ESR1: variants seen among roughly 807,000 people sequenced by gnomAD.
The protein encoded by ESR1 is estrogen receptor 1.
Under a neutral mutation model 52.7 loss-of-function variants are expected in ESR1, and 12 were observed. The observed-to-expected ratio is 0.23, with a 90% CI of 0.15 to 0.37. The LOEUF is 0.37. ESR1 is among the 10% of genes least tolerant of loss of function. The pLI, the probability that ESR1 is intolerant of heterozygous loss-of-function variation, is 1.00. For synonymous variants in ESR1, 305 were observed against 316.8 expected (o/e 0.96, Z 0.39); for missense variants, 584 against 779.7 (o/e 0.75, Z 2.99).
intron 2 of ESR1, among the ~76,000 whole-genome samples, chr6:151,718,560 T>C (rs190210686): frequency 5.3e-5 from 8 of 152,368 alleles, no homozygotes; most frequent in Admixed American, 2.0e-4. Context: ...AAATCACATC[T>C]GTCCTTGACA....
At chr6:151,710,547 A>G (rs1780521413) in intron 2 of ESR1, among the ~76,000 whole-genome samples, 1 of 152,128 alleles carries the variant, frequency 6.6e-6, no homozygotes. Context: ...TATAAAGAAA[A>G]GGTCAATAAA....
chr6:152,054,175 C>T (rs1374007343), intron 5 of ESR1, among the ~76,000 whole-genome samples: 1 of 152,000 alleles, frequency 6.6e-6, no homozygotes, highest in East Asian at 1.9e-4. Flanking sequence ...GACTTAGTCT[C>T]GTGAAATTTT....
chr6:151,914,256 TA>T (rs34984292), intron 3 of ESR1, among the ~76,000 whole-genome samples: 77,329 of 148,364 alleles, frequency 0.52, 21,875 homozygotes, highest in Middle Eastern at 0.73. Context: ...ACTTTTTCAT[TA>T]AAAAAAAAAA....
intron 1 of ESR1, among the ~76,000 whole-genome samples, chr6:151,819,610 C>G (rs1780232497): frequency 6.6e-6 from 1 of 152,130 alleles, no homozygotes; most frequent in Admixed American, 6.5e-5. Context: ...GTCCCATCAC[C>G]CCCAGATGGG....
At chr6:151,875,206 C>T (rs1008906463) in intron 2 of ESR1, among the ~76,000 whole-genome samples, 2 of 152,170 alleles carry the variant, frequency 1.3e-5, no homozygotes, top group African/African-American at 4.8e-5. Flanking sequence ...GCTTTATGTT[C>T]ATGTCTGGCC....
At chr6:151,953,683 T>C (rs2036578706) in intron 4 of ESR1, among the ~76,000 whole-genome samples, 1 of 151,240 alleles carries the variant, frequency 6.6e-6, no homozygotes, top group South Asian at 2.1e-4. Context: ...ATTGCGCCAC[T>C]GCACTCCAGC....
rs2152507077 is a variant in ESR1 at position 152,098,892 on chromosome 6, G to A, written c.1714G>A (p.Gly572Ser). The A allele has an allele frequency of 6.2e-7, 1 of 1,614,202 alleles. No individual in the cohort carries two copies. The highest frequency in any genetic ancestry group is 8.5e-7 in the Non-Finnish European group (1 of 1,180,046). Residue 572 changes from glycine to serine, a missense_variant, in exon 8 of 8, where the codon GGC (glycine) becomes AGC (serine). Around this residue, in one of 6 missense-constraint regions of ESR1, gnomAD observed 71 missense variants for 66.1 expected, o/e 1.07. Coordinates refer to ENST00000206249, the MANE Select transcript of ESR1 (RefSeq NM_000125.4). This position sits in a 1 kb window ranked among gnomAD's most constrained non-coding sequence, Gnocchi z 5.1. ...GGACCAAAGCCACTTGGCCACTGCG[G>A]GCTCTACTTCATCGCATTCCTTGCA... is the stretch of plus-strand genomic sequence containing the variant. The part of the protein sequence containing the change: ...ETDQSHLATA[G>S]STSSHSLQKY...
intron 2 of ESR1, among the ~76,000 whole-genome samples, chr6:151,746,146 G>A (rs1261482682): frequency 6.6e-6 from 1 of 152,056 alleles, no homozygotes; most frequent in Non-Finnish European, 1.5e-5. Context: ...CCACTTCTTG[G>A]CTGTTGTAAA....
At chr6:151,958,568 G>A (rs547825647) in intron 4 of ESR1, among the ~76,000 whole-genome samples, 1 of 152,308 alleles carries the variant, frequency 6.6e-6, no homozygotes, top group Non-Finnish European at 1.5e-5. Context: ...AATGTTCATT[G>A]TTATCTTGTG....
chr6:151,981,213 C>T (rs1221013123), intron 4 of ESR1, among the ~76,000 whole-genome samples: 1 of 152,128 alleles, frequency 6.6e-6, no homozygotes, highest in African/African-American at 2.4e-5. Context: ...TTTTATCTTG[C>T]CTTGCTTCTT....
intron 3 of ESR1, among the ~76,000 whole-genome samples, chr6:151,925,552 A>G (rs1315294839): frequency 6.6e-6 from 1 of 152,230 alleles, no homozygotes; most frequent in Non-Finnish European, 1.5e-5. Context: ...GGTTGCAGTC[A>G]GCTGAGACTG....
At chr6:152,031,316 C>T (rs1303849527) in intron 5 of ESR1, among the ~76,000 whole-genome samples, 1 of 151,830 alleles carries the variant, frequency 6.6e-6, no homozygotes, top group South Asian at 2.1e-4. Flanking sequence ...GATAGAGACA[C>T]AAAAAACCCT....
intron 2 of ESR1, among the ~76,000 whole-genome samples, chr6:151,766,738 T>G (rs1785087562): frequency 6.6e-6 from 1 of 152,116 alleles, no homozygotes; most frequent in South Asian, 2.1e-4. Flanking sequence ...GGATTGCTAA[T>G]GAGGGTAGGA....
chr6:151,735,291 C>T (rs750395109), intron 2 of ESR1, among the ~76,000 whole-genome samples: 10 of 152,156 alleles, frequency 6.6e-5, no homozygotes, highest in Non-Finnish European at 1.3e-4. Context: ...ATTTTTGAAG[C>T]ATTGGAATCC....
At chr6:151,930,087 G>A (rs901038877) in intron 3 of ESR1, among the ~76,000 whole-genome samples, 3 of 151,762 alleles carry the variant, frequency 2.0e-5, no homozygotes, top group Non-Finnish European at 4.4e-5. Flanking sequence ...GGGTTCAAGC[G>A]ATTCTCCTGC....
chr6:151,675,686 C>A (rs925148045), intron 1 of ESR1, among the ~76,000 whole-genome samples: 2 of 152,198 alleles, frequency 1.3e-5, no homozygotes, highest in African/African-American at 4.8e-5. Flanking sequence ...CACTGTTTTG[C>A]ACTTACCTTA....
At chr6:152,052,776 G>A (rs7756369) in intron 5 of ESR1, among the ~76,000 whole-genome samples, 33,148 of 152,006 alleles carry the variant, frequency 0.22, 5,225 homozygotes, top group African/African-American at 0.43. Context: ...GTGAGGTGGG[G>A]TGGGCGGTGG....
At chr6:151,957,808 C>A (rs2037176710) in intron 4 of ESR1, among the ~76,000 whole-genome samples, 1 of 152,126 alleles carries the variant, frequency 6.6e-6, no homozygotes, top group South Asian at 2.1e-4. Context: ...CAAGATAAAG[C>A]CTTGGCATAA....
Position 151,809,416 on chromosome 6 carries a change from G to C in ESR1, c.452+1052G>C, listed in dbSNP as rs140090393. The C allele has an allele frequency of 2.0e-4, 55 of 274,956 alleles. 1 individual carries two copies. Among genetic ancestry groups the C allele is most frequent in the Middle Eastern group, 1.4e-3 (1 of 698 alleles). The allele number at this position is 274,956 out of a possible 1,614,324, so 17.0% of individuals were successfully genotyped here. ...GGGCCTGCAGAGGGATTAGGTGGGCGCTTCTGGTGAACACCTTCCTAGGTG... is the reference window on the plus strand; with the variant it reads ...GGGCCTGCAGAGGGATTAGGTGGGCCCTTCTGGTGAACACCTTCCTAGGTG... On this transcript the variant is annotated intron_variant, in intron 1 of 7. Transcript: ENST00000206249.
Sources: allele counts gnomAD v4.1 joint callset (sites outside exome capture counted in the v4.1 genomes callset), GRCh38; gene constraint gnomAD v4.1.1; regional missense constraint gnomAD v4.1.1; non-coding constraint Gnocchi (gnomAD v3.1); transcripts MANE v1.5; gene names NCBI Gene and HGNC (gene_info 2026-07-23, HGNC 2026-07-21).